The following RBMS1 variants were observed in gnomAD, a reference collection of about 807,000 sequenced individuals.
The protein encoded by RBMS1 is RNA binding motif single stranded interacting protein 1, also known as RNA-binding motif, single-stranded-interacting protein 1.
A neutral mutation model predicts 62.3 loss-of-function variants in RBMS1; 17 were observed. The ratio of observed to expected loss-of-function variants is 0.27; its 90% confidence interval spans 0.19 to 0.41. The LOEUF (loss-of-function observed/expected upper bound fraction) is 0.41. Ranked by LOEUF, RBMS1 falls within the 10% of genes least tolerant of loss-of-function variation. The pLI, the probability that RBMS1 is intolerant of heterozygous loss-of-function variation, is 1.00. For synonymous variants in RBMS1, 172 were observed against 170.0 expected (o/e 1.01, Z -0.09); for missense variants, 334 against 504.5 (o/e 0.66, Z 3.24).
chr2:160,481,475 T>C (rs933431313), intron 1 of RBMS1, among the ~76,000 whole-genome samples: 1 of 151,958 alleles, frequency 6.6e-6, no homozygotes, highest in Non-Finnish European at 1.5e-5. Flanking sequence ...TAAGAACTTA[T>C]ATTTATTAAA....
At chr2:160,355,268 T>A (rs971297196) in intron 2 of RBMS1, among the ~76,000 whole-genome samples, 2 of 152,110 alleles carry the variant, frequency 1.3e-5, no homozygotes, top group Admixed American at 1.3e-4. Flanking sequence ...GAATGTTTAA[T>A]TACTAGTCTC....
intron 1 of RBMS1, among the ~76,000 whole-genome samples, chr2:160,432,959 C>T (rs2105288892): frequency 6.6e-6 from 1 of 152,316 alleles, no homozygotes; most frequent in East Asian, 1.9e-4. Flanking sequence ...TGGGAAATCA[C>T]CCTAGTTGCC....
At chr2:160,473,430 A>G (rs1321082596) in intron 1 of RBMS1, among the ~76,000 whole-genome samples, 2 of 152,224 alleles carry the variant, frequency 1.3e-5, no homozygotes, top group East Asian at 1.9e-4. Context: ...TTGTCATTTA[A>G]AAGTATTTTT....
intron 1 of RBMS1, among the ~76,000 whole-genome samples, chr2:160,435,635 C>CA (rs1232134483): frequency 1.3e-5 from 2 of 151,846 alleles, no homozygotes; most frequent in African/African-American, 4.8e-5. Context: ...TTTTTTCTGT[C>CA]AAAAAAGGCA....
At position 160,400,000 on chromosome 2, in the gene RBMS1, T is replaced by C. The variant is rs76275266; in HGVS notation, c.76-32609A>G. Among the ~76,000 whole-genome samples the C allele has an allele frequency of 4.6e-3, 708 of 152,276 alleles. 5 individuals are homozygous for C. The highest frequency in any genetic ancestry group is 0.018 in the South Asian group (87 of 4,818). On this transcript the variant is annotated intron_variant, in intron 1 of 13. Transcript: ENST00000348849. The stretch of plus-strand genomic sequence containing the variant: ...TAAGAAACAAACAAGGTAAGAGTGC[T>C]TTCTTCTCTCTTAGCCCCTACTTCC...
chr2:160,402,929 T>A (rs572141571), intron 1 of RBMS1, among the ~76,000 whole-genome samples: 1 of 152,294 alleles, frequency 6.6e-6, no homozygotes, highest in Non-Finnish European at 1.5e-5. Context: ...TCAGATAGAC[T>A]CTTACCCTCC....
intron 1 of RBMS1, among the ~76,000 whole-genome samples, chr2:160,487,619 T>C (rs1386707646): frequency 2.0e-5 from 3 of 152,226 alleles, no homozygotes; most frequent in African/African-American, 7.2e-5. Flanking sequence ...ACAGATATTA[T>C]AGTGAATGTA....
chr2:160,476,110 G>A (rs1009887280), intron 1 of RBMS1, among the ~76,000 whole-genome samples: 1 of 151,948 alleles, frequency 6.6e-6, no homozygotes. Flanking sequence ...CACCCACCTC[G>A]GCCTCCCAAA....
intron 1 of RBMS1, among the ~76,000 whole-genome samples, chr2:160,454,426 A>AG (rs1426895286): frequency 1.3e-5 from 2 of 152,242 alleles, no homozygotes; most frequent in East Asian, 3.8e-4. Flanking sequence ...TGCCATATAA[A>AG]GAAAGAACAG....
chr2:160,428,344 C>T lies in RBMS1; in HGVS notation c.76-60953G>A, dbSNP rs1199104262. ...GAGACACAGACTTAGTTATAAATGT[C>T]GAACTAAAAAGAGGTATTGGAAAGA... On this transcript the variant is annotated intron_variant, in intron 1 of 13. Transcript: ENST00000348849. Among the ~76,000 whole-genome samples, 5 of 151,956 alleles carry T rather than the reference C, an allele frequency of 3.3e-5. No homozygotes were observed. The South Asian group carries it at 6.2e-4, about 19-fold the overall frequency.
At chr2:160,465,844 CCACA>C (rs34253924) in intron 1 of RBMS1, among the ~76,000 whole-genome samples, 44 of 109,858 alleles carry the variant, frequency 4.0e-4, no homozygotes, top group Non-Finnish European at 7.1e-4. Flanking sequence ...CCTCCCCACA[CCACA>C]CACACACACA....
chr2:160,450,429 A>ACCTGC (rs1683916303), intron 1 of RBMS1, among the ~76,000 whole-genome samples: 1 of 152,026 alleles, frequency 6.6e-6, no homozygotes, highest in Non-Finnish European at 1.5e-5. Flanking sequence ...AATCCCAGCT[A>ACCTGC]CTTGGGAGGC....
At chr2:160,378,945 C>T (rs895348647) in intron 1 of RBMS1, among the ~76,000 whole-genome samples, 3 of 152,156 alleles carry the variant, frequency 2.0e-5, no homozygotes, top group Admixed American at 6.5e-5. Flanking sequence ...GTGGGCCGGA[C>T]GTGGTGGCTC....
At chr2:160,466,456 G>A (rs949007526) in intron 1 of RBMS1, among the ~76,000 whole-genome samples, 1 of 152,058 alleles carries the variant, frequency 6.6e-6, no homozygotes, top group Non-Finnish European at 1.5e-5. Flanking sequence ...CAGATGTCAG[G>A]CTAATTTTAA....
At chr2:160,285,183 C>A in intron 7 of RBMS1, 139 bp from the exon 8 acceptor site, 1 of 773,048 alleles carries the variant, frequency 1.3e-6, no homozygotes, top group Non-Finnish European at 2.2e-6. Context: ...TTTTGAAGCC[C>A]AGGAGTTCGA....
chr2:160,343,697 T>G (rs1274609359), intron 2 of RBMS1, among the ~76,000 whole-genome samples: 1 of 152,194 alleles, frequency 6.6e-6, no homozygotes, highest in African/African-American at 2.4e-5. Flanking sequence ...GATTGTAAAA[T>G]ACTATTTTAT....
At chr2:160,437,065 A>G (rs989451023) in intron 1 of RBMS1, among the ~76,000 whole-genome samples, 1 of 152,224 alleles carries the variant, frequency 6.6e-6, no homozygotes, top group Non-Finnish European at 1.5e-5. Context: ...AACCTACTGT[A>G]TAGTGCCCCA....
intron 1 of RBMS1, among the ~76,000 whole-genome samples, chr2:160,454,991 T>A (rs370420099): frequency 6.6e-6 from 1 of 152,162 alleles, no homozygotes; most frequent in Non-Finnish European, 1.5e-5. Flanking sequence ...AAAGTTAAAT[T>A]CAAACCACCT....
At chr2:160,472,800 C>T (rs1313720070) in intron 1 of RBMS1, among the ~76,000 whole-genome samples, 1 of 152,098 alleles carries the variant, frequency 6.6e-6, no homozygotes, top group Admixed American at 6.6e-5. Context: ...TTTATTATTG[C>T]TATCTTTAGT....
Sources: gnomAD v4.1 joint callset for allele counts (sites outside exome capture counted in the v4.1 genomes callset) on GRCh38, gnomAD v4.1.1 for gene constraint, MANE v1.5 for transcripts, NCBI Gene and HGNC (gene_info 2026-07-23, HGNC 2026-07-21) for gene names.